Variants in HMOX2 observed in about 807,000 individuals in gnomAD.
HMOX2 encodes the protein heme oxygenase 2.
A neutral mutation model predicts 33.7 loss-of-function variants in HMOX2; 30 were observed. The ratio of observed to expected loss-of-function variants is 0.89; its 90% CI spans 0.67 to 1.21. The LOEUF (loss-of-function observed/expected upper bound fraction) is 1.21, where lower values mean the gene tolerates loss of function less well. Among genes scored for constraint, HMOX2 ranks in the 50% most tolerant of loss-of-function variants. The pLI is 0.00. For missense variants in HMOX2, 403 were observed against 399.1 expected, an observed-to-expected ratio of 1.01 and a Z score of -0.08; for synonymous variants, 155 against 155.0, an observed-to-expected ratio of 1.00 and a Z score of 0.00.
chr16:4,476,985 G>A (rs2057869290), intron 1 of HMOX2, among the ~76,000 whole-genome samples: 2 of 152,170 alleles, frequency 1.3e-5, no homozygotes, highest in South Asian at 4.1e-4. Context: ...TCTATAGGAA[G>A]TGCCCCTTGA....
chr16:4,490,567 T>C (rs1642397489), intron 1 of HMOX2, among the ~76,000 whole-genome samples: 1 of 152,196 alleles, frequency 6.6e-6, no homozygotes, highest in Admixed American at 6.5e-5. Context: ...CCTGGATTTG[T>C]TACTGGGTTT....
At chr16:4,479,165 T>A (rs902990529) in intron 1 of HMOX2, among the ~76,000 whole-genome samples, 1 of 151,848 alleles carries the variant, frequency 6.6e-6, no homozygotes, top group African/African-American at 2.4e-5. Context: ...GAAAAAAAAA[T>A]TCTATCAGAG....
At chr16:4,478,850 A>C (rs958718250) in intron 1 of HMOX2, among the ~76,000 whole-genome samples, 35 of 151,694 alleles carry the variant, frequency 2.3e-4, no homozygotes, top group Non-Finnish European at 3.7e-4. Flanking sequence ...CTTGGAAAGG[A>C]AAGAGATGAA....
intron 1 of HMOX2, among the ~76,000 whole-genome samples, chr16:4,499,281 AT>A (rs1466296389): frequency 2.0e-5 from 3 of 152,238 alleles, no homozygotes; most frequent in African/African-American, 7.2e-5. Context: ...GGATTAATGG[AT>A]TTTTAAAAGC....
chr16:4,497,858 A>G (rs1163042956), intron 1 of HMOX2, among the ~76,000 whole-genome samples: 2 of 152,256 alleles, frequency 1.3e-5, no homozygotes, highest in African/African-American at 4.8e-5. Flanking sequence ...TCAGAGTTCC[A>G]AAGTGCAGAG....
chr16:4,504,316 AAGGT>A (rs1057501311), intron 1 of HMOX2, among the ~76,000 whole-genome samples: 7 of 149,028 alleles, frequency 4.7e-5, no homozygotes, highest in Non-Finnish European at 7.4e-5. Flanking sequence ...TTGTTTCCCT[AAGGT>A]TTTTGAGGTT....
chr16:4,507,657 G>A, intron 3 of HMOX2, 56 bp from the exon 4 acceptor site: 1 of 1,569,712 alleles, frequency 6.4e-7, no homozygotes, highest in Non-Finnish European at 8.7e-7. Context: ...TCTGCATCCA[G>A]CTGCTCGGAT....
chr16:4,506,575 C>T (rs1043605178), intron 2 of HMOX2, among the ~76,000 whole-genome samples: 1 of 152,190 alleles, frequency 6.6e-6, no homozygotes, highest in African/African-American at 2.4e-5. Flanking sequence ...TCTCTTCGAC[C>T]ACTAGGTGGC....
At chr16:4,503,471 G>A (rs1055610346) in intron 1 of HMOX2, among the ~76,000 whole-genome samples, 3 of 152,212 alleles carry the variant, frequency 2.0e-5, no homozygotes, top group Admixed American at 1.3e-4. Context: ...GCAGAGTAGA[G>A]TGTCTCTGAT....
In HMOX2 at chr16:4,508,087, C is replaced by G. The variant is rs768188799; in HGVS notation, c.579C>G (p.Asp193Glu). ...AGTTCTACCTGTTTGAGAATGTGGA[C>G]AATGCCCAGCAGTTCAAGCAGCTCT... ...GTQFYLFENVDNAQQFKQLYR... is the reference protein window; with the variant it reads ...GTQFYLFENVENAQQFKQLYR... The change falls in exon 4 of 6, where the codon GAC becomes GAG. Residue 193 changes from aspartate (D) to glutamate (E), a missense_variant. By Grantham distance (45) the Asp-to-Glu change is conservative. Coordinates refer to ENST00000570646, the MANE Select transcript of HMOX2 (RefSeq NM_002134.4). The G allele has an allele frequency of 4.3e-6, 7 of 1,614,054 alleles. No individual in the cohort carries two copies. In the East Asian group the frequency reaches 1.1e-4, roughly 26 times the overall value.
At chr16:4,477,197 A>G (rs560227341) in intron 1 of HMOX2, among the ~76,000 whole-genome samples, 191 of 152,222 alleles carry the variant, frequency 1.3e-3, no homozygotes, top group Non-Finnish European at 2.4e-3. Context: ...TGCCTGTGTC[A>G]TGCCATTTAA....
chr16:4,490,372 T>G (rs1419331382), intron 1 of HMOX2, among the ~76,000 whole-genome samples: 1 of 152,120 alleles, frequency 6.6e-6, no homozygotes, highest in Non-Finnish European at 1.5e-5. Flanking sequence ...AATGACTCCT[T>G]GGAGCTCCAA....
Position 4,509,922 on chromosome 16 carries a change from C to T in HMOX2, c.*166C>T. On this transcript the variant is annotated 3_prime_UTR_variant, in exon 6 of 6. Transcript: ENST00000570646. ...GCTAGAGCCTCTGCCTGACAGCATC[C>T]TCTCTATGGGCCATATTCCGCACTG... The T allele has an allele frequency of 1.4e-6, 1 of 739,688 alleles. No homozygotes were observed. The allele number at this position is 739,688 out of a possible 1,614,324, so 45.8% of individuals were successfully genotyped here. A position where few individuals can be genotyped will look rare whatever the true frequency, so the allele number is the denominator to read the frequency against.
intron 4 of HMOX2, among the ~76,000 whole-genome samples, chr16:4,508,726 C>T (rs1471202947): frequency 1.3e-5 from 2 of 152,158 alleles, no homozygotes; most frequent in Non-Finnish European, 2.9e-5. Context: ...CAGTCTCATT[C>T]TCCCATGTTC....
upstream of HMOX2, chr16:4,475,779 A>C (rs984604828): frequency 2.0e-5 from 3 of 151,996 alleles, no homozygotes; most frequent in Non-Finnish European, 4.4e-5. Context: ...TCTCTACTAA[A>C]AATACAAAAA....
chr16:4,493,742 C>A (rs1417893969), intron 1 of HMOX2, among the ~76,000 whole-genome samples: 1 of 152,164 alleles, frequency 6.6e-6, no homozygotes, highest in African/African-American at 2.4e-5. Flanking sequence ...TGCCCCAGCT[C>A]CTCGTGTGTC....
chr16:4,477,716 C>G (rs908441921), intron 1 of HMOX2, among the ~76,000 whole-genome samples: 1 of 151,684 alleles, frequency 6.6e-6, no homozygotes, highest in East Asian at 2.0e-4. Flanking sequence ...GTCAGGAGTT[C>G]GAGATCAGCC....
Position 4,505,620 on chromosome 16 carries a change from G to A in HMOX2, c.86+10G>A. 6.4e-7 allele frequency: 1 copy of A among 1,570,742 alleles called. No homozygotes were observed. The highest frequency in any genetic ancestry group is 1.1e-5 in the South Asian group (1 of 87,196). On this transcript the variant is annotated intron_variant, in intron 2 of 5. Coordinates refer to ENST00000570646, the MANE Select transcript of HMOX2 (RefSeq NM_002134.4). Reference sequence around the variant, plus strand: ...AGGAGAACCAAATGAGGTGAGCGATGGGGGCTGGCTGCACTGAATCAGGTG... The same window carrying A: ...AGGAGAACCAAATGAGGTGAGCGATAGGGGCTGGCTGCACTGAATCAGGTG...
At chr16:4,491,784 C>T (rs1030226102) in intron 1 of HMOX2, among the ~76,000 whole-genome samples, 1 of 151,986 alleles carries the variant, frequency 6.6e-6, no homozygotes, top group Non-Finnish European at 1.5e-5. Flanking sequence ...TCTCGGCTCA[C>T]TGCAACCTCC....
Sources: gnomAD v4.1 joint callset for allele counts (sites outside exome capture counted in the v4.1 genomes callset) on GRCh38, gnomAD v4.1.1 for gene constraint, MANE v1.5 for transcripts, NCBI Gene and HGNC (gene_info 2026-07-23, HGNC 2026-07-21) for gene names.